Variants in TBC1D12 observed in about 807,000 individuals in gnomAD.
TBC1D12 encodes the protein TBC1 domain family member 12.
Under a neutral mutation model 86.7 loss-of-function variants are expected in TBC1D12, and 56 were observed. The ratio of observed to expected loss-of-function variants is 0.65; its 90% CI spans 0.52 to 0.81. TBC1D12 has a LOEUF of 0.81. Among genes scored for constraint, TBC1D12 ranks in the 30% least tolerant of loss-of-function variants. The pLI is 0.00. For synonymous variants in TBC1D12, 421 were observed against 411.7 expected, an observed-to-expected ratio of 1.02 and a Z score of -0.27; for missense variants, 1,023 against 1,038.8, an observed-to-expected ratio of 0.98 and a Z score of 0.21.
intron 1 of TBC1D12, among the ~76,000 whole-genome samples, chr10:94,416,449 C>T (rs2054998846): frequency 1.3e-5 from 2 of 152,106 alleles, no homozygotes. Flanking sequence ...GTCCCAATTT[C>T]CCCCCTAGAG....
chr10:94,413,428 A>G (rs1328490681), intron 1 of TBC1D12, among the ~76,000 whole-genome samples: 1 of 152,012 alleles, frequency 6.6e-6, no homozygotes, highest in Non-Finnish European at 1.5e-5. Flanking sequence ...AAAAAGTGTT[A>G]TTTTTCCTTC....
chr10:94,516,350 C>T (rs928365442), intron 9 of TBC1D12, among the ~76,000 whole-genome samples: 5 of 151,772 alleles, frequency 3.3e-5, no homozygotes, highest in African/African-American at 4.8e-5. Context: ...AGAGAAACTA[C>T]ATAAATGAAA....
chr10:94,444,226 TA>T (rs1260759959), intron 2 of TBC1D12, among the ~76,000 whole-genome samples: 134 of 150,790 alleles, frequency 8.9e-4, no homozygotes, highest in African/African-American at 3.0e-3. Context: ...AATTTATGTG[TA>T]TTTTTTTTTT....
chr10:94,500,300 G>A lies in TBC1D12; in HGVS notation c.1492G>A (p.Val498Ile). Reference protein sequence around the residue: ...SVRGKVWSLAVGNELNITPEL... With the variant: ...SVRGKVWSLAIGNELNITPEL... The stretch of plus-strand genomic sequence containing the variant: ...CCGTGGGAAAGTTTGGAGTCTAGCT[G>A]TAGGAAATGAACTAAATATCACTCC... The change falls in exon 6 of 13, where the codon GTA (valine) becomes ATA (isoleucine). Residue 498 changes from valine to isoleucine, a missense_variant. Val to Ile is a conservative substitution (Grantham distance 29). Around this residue, in one of 2 missense-constraint regions of TBC1D12, gnomAD observed 395 missense variants for 507.7 expected, o/e 0.78. Transcript: ENST00000225235. 1.2e-6 allele frequency: 2 copies of A among 1,613,930 alleles called. No individual in the cohort carries two copies. The highest frequency in any genetic ancestry group is 1.3e-5 in the African/African-American group (1 of 75,054).
chr10:94,529,307 G>A (rs532748238), intron 11 of TBC1D12, among the ~76,000 whole-genome samples: 3 of 152,280 alleles, frequency 2.0e-5, no homozygotes, highest in African/African-American at 7.2e-5. Context: ...AGACCCGACT[G>A]ATTTAGGCTT....
At chr10:94,442,929 A>T (rs1478920584) in intron 2 of TBC1D12, among the ~76,000 whole-genome samples, 1 of 152,186 alleles carries the variant, frequency 6.6e-6, no homozygotes, top group Non-Finnish European at 1.5e-5. Context: ...CTTTAAAAAC[A>T]TTATTGTAGT....
At chr10:94,504,708 T>C (rs190529697) in intron 6 of TBC1D12, among the ~76,000 whole-genome samples, 378 of 152,332 alleles carry the variant, frequency 2.5e-3, no homozygotes, top group African/African-American at 8.8e-3. Context: ...TCTTAGTTTT[T>C]CTTCACCTGT....
chr10:94,404,957 G>C (rs959913074), intron 1 of TBC1D12, among the ~76,000 whole-genome samples: 1 of 151,012 alleles, frequency 6.6e-6, no homozygotes, highest in Non-Finnish European at 1.5e-5. Flanking sequence ...AGAGGCAAGA[G>C]AATCGTTTGA....
At chr10:94,452,063 T>A (rs1294652140) in intron 2 of TBC1D12, among the ~76,000 whole-genome samples, 1 of 150,646 alleles carries the variant, frequency 6.6e-6, no homozygotes, top group African/African-American at 2.4e-5. Flanking sequence ...TAAATATATG[T>A]ATTTAAATGC....
chr10:94,414,157 C>T (rs193289458), intron 1 of TBC1D12, among the ~76,000 whole-genome samples: 1 of 151,794 alleles, frequency 6.6e-6, no homozygotes, highest in East Asian at 1.9e-4. Flanking sequence ...ACATTGTTTC[C>T]ACGTTATTCT....
chr10:94,517,360 A>G (rs1026078186), intron 9 of TBC1D12, among the ~76,000 whole-genome samples: 5 of 152,218 alleles, frequency 3.3e-5, no homozygotes, highest in African/African-American at 4.8e-5. Flanking sequence ...CGTGGGTGAC[A>G]GAGCGAGACT....
chr10:94,512,109 A>C (rs1032173168), intron 9 of TBC1D12, among the ~76,000 whole-genome samples: 8 of 152,180 alleles, frequency 5.3e-5, no homozygotes, highest in Non-Finnish European at 1.2e-4. Context: ...GGTACCTGAC[A>C]ACTTCAGCTT....
chr10:94,422,185 G>GTTTTTTTTT (rs57798611), intron 1 of TBC1D12, among the ~76,000 whole-genome samples: 3 of 106,810 alleles, frequency 2.8e-5, no homozygotes, highest in Non-Finnish European at 5.6e-5. Context: ...GGTTCATGTA[G>GTTTTTTTTT]TTTTTTTTTT....
intron 1 of TBC1D12, among the ~76,000 whole-genome samples, chr10:94,416,373 A>G (rs969744645): frequency 3.3e-5 from 5 of 152,218 alleles, no homozygotes; most frequent in African/African-American, 1.2e-4. Flanking sequence ...AACAGAGCCT[A>G]TTGAGGGTAT....
intron 2 of TBC1D12, among the ~76,000 whole-genome samples, chr10:94,466,114 A>T (rs924572037): frequency 2.0e-5 from 3 of 152,028 alleles, no homozygotes; most frequent in African/African-American, 7.2e-5. Flanking sequence ...TCTTATAAAT[A>T]GCATATAGTT....
chr10:94,431,931 G>A (rs1239470677), intron 1 of TBC1D12, among the ~76,000 whole-genome samples: 2 of 152,134 alleles, frequency 1.3e-5, no homozygotes. Flanking sequence ...CATAGCACAA[G>A]AGTGACCCCT....
Position 94,531,202 on chromosome 10 carries a change from G to A in TBC1D12, c.2001G>A (p.Trp667Ter). The change falls in exon 12 of 13, where the codon TGG (tryptophan) becomes TGA (stop). Residue 667 changes from tryptophan to a stop codon, truncating the protein, a stop_gained and splice_region_variant. Coordinates refer to ENST00000225235, the MANE Select transcript of TBC1D12 (RefSeq NM_015188.2). LOFTEE classifies it high-confidence loss of function. The part of the protein sequence containing the change: ...SLTPDIYLID[W>*]IFTLYSKSLP... ...TGACCATTTTTCCCTCTAATTTTAG[G>A]ATCTTCACACTATATAGCAAATCAC... The A allele has an allele frequency of 2.5e-6, 4 of 1,597,750 alleles. No individual in the cohort carries two copies. The highest frequency in any genetic ancestry group is 3.4e-6 in the Non-Finnish European group (4 of 1,169,736).
intron 12 of TBC1D12, among the ~76,000 whole-genome samples, chr10:94,532,092 G>A (rs1249536591): frequency 6.6e-6 from 1 of 151,738 alleles, no homozygotes; most frequent in Non-Finnish European, 1.5e-5. Context: ...GTGTTAGCCA[G>A]GATTGTCTCA....
rs565012974 is a variant in TBC1D12 at position 94,484,293 on chromosome 10, C to T, written c.1212-9072C>T. Among the ~76,000 whole-genome samples the T allele has an allele frequency of 1.4e-4, 21 of 148,760 alleles. No homozygotes were observed. In the South Asian group the frequency reaches 3.6e-3, roughly 26 times the overall value. ...TGGAGTTTCGCTCTTGTTGCTCAGG[C>T]TGGAATGCAGTGGCATGATCTCCGG... On this transcript the variant is annotated intron_variant, in intron 3 of 12. Coordinates refer to ENST00000225235, the MANE Select transcript of TBC1D12 (RefSeq NM_015188.2).
Sources: allele counts gnomAD v4.1 joint callset (sites outside exome capture counted in the v4.1 genomes callset), GRCh38; gene constraint gnomAD v4.1.1; regional missense constraint gnomAD v4.1.1; transcripts MANE v1.5; gene names NCBI Gene and HGNC (gene_info 2026-07-23, HGNC 2026-07-21).